Variants in ADGB observed in about 807,000 individuals in gnomAD.
ADGB encodes the protein androglobin, also known as calpain-7-like protein.
A neutral mutation model predicts 210.5 loss-of-function variants in ADGB; 172 were observed. The observed-to-expected ratio is 0.82, with a 90% CI of 0.72 to 0.93. The LOEUF is 0.93. ADGB is among the 40% of genes least tolerant of loss of function. The pLI, the probability that ADGB is intolerant of heterozygous loss-of-function variation, is 0.00. For missense variants in ADGB, 2,025 were observed against 1,964.8 expected, an observed-to-expected ratio of 1.03 and a Z score of -0.58; for synonymous variants, 658 against 662.7, an observed-to-expected ratio of 0.99 and a Z score of 0.11.
chr6:146,723,039 C>T (rs1381274789), intron 17 of ADGB, among the ~76,000 whole-genome samples: 2 of 152,162 alleles, frequency 1.3e-5, no homozygotes, highest in East Asian at 1.9e-4. Context: ...GTTTTGTCAA[C>T]ATGCAGGGCA....
At chr6:146,644,887 A>C in intron 3 of ADGB, 22 bp downstream of exon 3, 1 of 1,351,438 alleles carries the variant, frequency 7.4e-7, no homozygotes, top group Non-Finnish European at 9.9e-7. Flanking sequence ...TTTTCTATTA[A>C]ATAAAATACT....
chr6:146,741,004 CT>C (rs35765538), intron 24 of ADGB, 113 bp from the exon 25 acceptor site: 2 of 740,758 alleles, frequency 2.7e-6, no homozygotes, highest in Non-Finnish European at 4.0e-6. Flanking sequence ...ATATGTGTGC[CT>C]TTTAGTTATT....
chr6:146,797,209 G>A (rs893159940), intron 33 of ADGB, among the ~76,000 whole-genome samples: 3 of 152,094 alleles, frequency 2.0e-5, no homozygotes, highest in Non-Finnish European at 2.9e-5. Context: ...AGATCTGGGT[G>A]TGGGCATGAT....
intron 13 of ADGB, among the ~76,000 whole-genome samples, chr6:146,712,025 C>G (rs1776664646): frequency 6.6e-6 from 1 of 150,506 alleles, no homozygotes; most frequent in Non-Finnish European, 1.5e-5. Context: ...CTACTGAACT[C>G]CAGCTTGGGC....
intron 3 of ADGB, among the ~76,000 whole-genome samples, 160 bp from the exon 4 acceptor site, chr6:146,653,975 G>A (rs1025025467): frequency 1.3e-5 from 2 of 151,980 alleles, no homozygotes; most frequent in African/African-American, 4.8e-5. Flanking sequence ...TAAGCATGTG[G>A]GAGTTATTTA....
intron 35 of ADGB, among the ~76,000 whole-genome samples, chr6:146,808,586 C>T (rs1472277415): frequency 6.6e-6 from 1 of 152,240 alleles, no homozygotes; most frequent in Non-Finnish European, 1.5e-5. Context: ...AAGCACACTT[C>T]TAATTCATGA....
At chr6:146,610,179 G>A (rs1197554626) in intron 1 of ADGB, among the ~76,000 whole-genome samples, 1 of 152,262 alleles carries the variant, frequency 6.6e-6, no homozygotes. Flanking sequence ...GAATTTTTCA[G>A]CTCTATCAGA....
chr6:146,693,803 C>T (rs1357861153), intron 12 of ADGB, among the ~76,000 whole-genome samples: 2 of 152,158 alleles, frequency 1.3e-5, no homozygotes, highest in African/African-American at 4.8e-5. Context: ...AATTTCACTG[C>T]TCACAAGTTC....
chr6:146,700,857 T>C (rs1378748008), intron 12 of ADGB, 84 bp from the exon 13 acceptor site: 2 of 1,438,360 alleles, frequency 1.4e-6, no homozygotes, highest in Non-Finnish European at 1.9e-6. Flanking sequence ...AACTTTCTAT[T>C]GTTGACAAAA....
At chr6:146,777,438 T>C (rs1224364512) in intron 29 of ADGB, among the ~76,000 whole-genome samples, 1 of 152,170 alleles carries the variant, frequency 6.6e-6, no homozygotes, top group Non-Finnish European at 1.5e-5. Context: ...ATAAAGCTCA[T>C]GTCCTTCATG....
intron 33 of ADGB, among the ~76,000 whole-genome samples, chr6:146,792,544 A>T (rs1777968295): frequency 6.6e-6 from 1 of 151,232 alleles, no homozygotes; most frequent in Non-Finnish European, 1.5e-5. Context: ...CACAGCACAG[A>T]CTTTTTTTTT....
chr6:146,773,677 T>C (rs1293827268), intron 29 of ADGB, among the ~76,000 whole-genome samples: 1 of 152,196 alleles, frequency 6.6e-6, no homozygotes, highest in African/African-American at 2.4e-5. Flanking sequence ...TTGCATAGGT[T>C]CGAAGGAGCA....
Position 146,763,946 on chromosome 6 carries a change from AAGAAGTGT to A in ADGB, c.3598_3605del (p.Glu1200CysfsTer2). 1 of 1,551,498 alleles carries A rather than the reference AAGAAGTGT, an allele frequency of 6.4e-7. No individual in the cohort carries two copies. The highest frequency in any genetic ancestry group is 8.7e-7 in the Non-Finnish European group (1 of 1,146,862). On this transcript the variant is annotated frameshift_variant, in exon 28 of 36. Coordinates refer to ENST00000397944, the MANE Select transcript of ADGB (RefSeq NM_024694.4). LOFTEE classifies it high-confidence loss of function. ...TTTCACTCTGCATCCAAGAAAGAGC[AAGAAGTGT>A]ATGTTAAGAAGAAAGCTGCTCAGGG...
At chr6:146,636,272 G>C (rs951002265) in intron 2 of ADGB, among the ~76,000 whole-genome samples, 3 of 151,986 alleles carry the variant, frequency 2.0e-5, no homozygotes, top group Non-Finnish European at 4.4e-5. Flanking sequence ...AGTGCCAGAA[G>C]GGTTTAGTTG....
At chr6:146,614,944 A>C (rs141258861) in intron 1 of ADGB, among the ~76,000 whole-genome samples, 12,517 of 152,258 alleles carry the variant, frequency 0.082, 548 homozygotes, top group East Asian at 0.13. Context: ...TCTGTCGCCC[A>C]GGCTGGAGTG....
intron 23 of ADGB, among the ~76,000 whole-genome samples, chr6:146,736,806 A>C (rs1777086071): frequency 6.6e-6 from 1 of 152,212 alleles, no homozygotes; most frequent in South Asian, 2.1e-4. Flanking sequence ...TTCTAAGCAG[A>C]AAACCTCTAG....
intron 17 of ADGB, among the ~76,000 whole-genome samples, chr6:146,722,096 A>G (rs192104463): frequency 1.3e-5 from 2 of 152,200 alleles, no homozygotes; most frequent in Non-Finnish European, 2.9e-5. Context: ...ATCATTCTTA[A>G]TTATTTCAAA....
intron 12 of ADGB, among the ~76,000 whole-genome samples, chr6:146,698,349 A>G (rs1776440092): frequency 6.6e-6 from 1 of 152,232 alleles, no homozygotes; most frequent in East Asian, 1.9e-4. Flanking sequence ...TGGATAGACT[A>G]TAATCTATGA....
chr6:146,712,506 CT>C (rs2114559549), intron 13 of ADGB, among the ~76,000 whole-genome samples: 1 of 151,472 alleles, frequency 6.6e-6, no homozygotes, highest in East Asian at 1.9e-4. Context: ...TTTTTTTGTT[CT>C]GTTTTGTTTT....
Sources: gnomAD v4.1 joint callset for allele counts (sites outside exome capture counted in the v4.1 genomes callset) on GRCh38, gnomAD v4.1.1 for gene constraint, MANE v1.5 for transcripts, NCBI Gene and HGNC (gene_info 2026-07-23, HGNC 2026-07-21) for gene names.